The following HRH2 variants were observed in gnomAD, a reference collection of about 807,000 sequenced individuals.
HRH2 encodes histamine receptor H2.
A neutral mutation model predicts 20.1 loss-of-function variants in HRH2; 4 were observed. The ratio of observed to expected loss-of-function variants is 0.20; its 90% CI spans 0.10 to 0.45. The LOEUF (loss-of-function observed/expected upper bound fraction) is 0.45, where lower values mean the gene tolerates loss of function less well. HRH2 is among the 20% of genes least tolerant of loss of function. The probability of loss-of-function intolerance (pLI) is 0.99; values close to 1 mark genes in which losing one functional copy is unlikely to be tolerated. For synonymous variants in HRH2, 197 were observed against 200.7 expected (o/e 0.98, Z 0.16); for missense variants, 250 against 461.6 (o/e 0.54, Z 4.20).
At chr5:175,701,206 G>T (rs1483664242) in intron 2 of HRH2, among the ~76,000 whole-genome samples, 6 of 152,184 alleles carry the variant, frequency 3.9e-5, no homozygotes, top group Non-Finnish European at 8.8e-5. Context: ...TCTGAAACTG[G>T]GTCCTGTCCC....
At chr5:175,674,389 T>C (rs539221150) in intron 1 of HRH2, among the ~76,000 whole-genome samples, 6 of 152,254 alleles carry the variant, frequency 3.9e-5, no homozygotes, top group Admixed American at 3.3e-4. Flanking sequence ...GCCCGGCACG[T>C]GGTAGGTGCT....
intron 2 of HRH2, among the ~76,000 whole-genome samples, chr5:175,700,608 G>T (rs370577647): frequency 6.6e-6 from 1 of 152,140 alleles, no homozygotes; most frequent in African/African-American, 2.4e-5. Flanking sequence ...GGAGAAATTG[G>T]CCTGGCACAG....
At chr5:175,706,321 A>C in intron 2 of HRH2, among the ~76,000 whole-genome samples, 1 of 152,260 alleles carries the variant, frequency 6.6e-6, no homozygotes, top group Non-Finnish European at 1.5e-5. Flanking sequence ...GAGTAAATTG[A>C]CATGTAACAA....
In HRH2 at chr5:175,693,775, G is replaced by A. The variant is rs542689348; in HGVS notation, c.1076+9466G>A. The stretch of plus-strand genomic sequence containing the variant: ...CATGGCCTTAATGTCATGGTGGTAA[G>A]AGGATGCACATGCTCTTGTTCTGCC... On this transcript the variant is annotated intron_variant, in intron 2 of 2. Coordinates refer to ENST00000636584, the MANE Select transcript of HRH2 (RefSeq NM_001367711.1). This position sits in a 1 kb window ranked among gnomAD's most constrained non-coding sequence, Gnocchi z 4.4. Among the ~76,000 whole-genome samples, 1 of 152,316 alleles carries A rather than the reference G, an allele frequency of 6.6e-6. No individual in the cohort carries two copies. Among genetic ancestry groups the A allele is most frequent in the East Asian group, 1.9e-4 (1 of 5,184 alleles).
chr5:175,694,122 C>A (rs1162527296), intron 2 of HRH2, among the ~76,000 whole-genome samples: 1 of 152,162 alleles, frequency 6.6e-6, no homozygotes, highest in African/African-American at 2.4e-5. Context: ...AGTGCCCTTG[C>A]CCCAGGAGTG....
intron 1 of HRH2, among the ~76,000 whole-genome samples, chr5:175,682,412 C>T (rs1756015929): frequency 6.6e-6 from 1 of 152,214 alleles, no homozygotes; most frequent in Non-Finnish European, 1.5e-5. Flanking sequence ...AGGCCTTCTT[C>T]TTGTGGAGCT....
intron 2 of HRH2, among the ~76,000 whole-genome samples, chr5:175,689,298 A>C (rs374609958): frequency 8.3e-6 from 1 of 120,090 alleles, no homozygotes; most frequent in African/African-American, 3.3e-5. Context: ...AACCCCATGC[A>C]GGCTCCCCTC....
chr5:175,684,917 G>C (rs773325021), intron 2 of HRH2, among the ~76,000 whole-genome samples: 16 of 152,140 alleles, frequency 1.1e-4, no homozygotes, highest in Non-Finnish European at 1.6e-4. Flanking sequence ...AGGTGAAAGA[G>C]TTAGAAGCAA....
intron 2 of HRH2, chr5:175,685,608 C>T (rs1756144615): frequency 2.6e-6 from 2 of 772,314 alleles, no homozygotes; most frequent in Non-Finnish European, 2.2e-6. Context: ...GCCCTGGTCT[C>T]AGCTCTGCCG....
rs1756220329 is a variant in HRH2, at chr5:175,687,694, A to C, written c.1076+3385A>C. Among the ~76,000 whole-genome samples the C allele has an allele frequency of 6.8e-6, 1 of 146,992 alleles. No individual in the cohort carries two copies. The highest frequency in any genetic ancestry group is 2.5e-5 in the African/African-American group (1 of 39,544). On this transcript the variant is annotated intron_variant, in intron 2 of 2. Coordinates refer to ENST00000636584, the MANE Select transcript of HRH2 (RefSeq NM_001367711.1). This position sits in a 1 kb window ranked among gnomAD's most constrained non-coding sequence, Gnocchi z 5.2. Reference sequence around the variant, plus strand: ...TGACCCCTACTGTCCACCCCTCATCACCTCTCCCCTGCCTCCTCTCAGATA... The same window carrying C: ...TGACCCCTACTGTCCACCCCTCATCCCCTCTCCCCTGCCTCCTCTCAGATA...
Position 175,663,573 on chromosome 5 carries a change from GC to G in HRH2, c.-526+5421del, listed in dbSNP as rs949387023. On this transcript the variant is annotated intron_variant, in intron 1 of 2. Coordinates refer to ENST00000636584, the MANE Select transcript of HRH2 (RefSeq NM_001367711.1). ...TATCAGGCGCCCTCCATCAGGCCCT[GC>G]CCGTGCACTGTCTGCATTTCTCCTC... Among the ~76,000 whole-genome samples the G allele has an allele frequency of 9.9e-5, 15 of 152,176 alleles. 1 individual carries two copies. The highest frequency in any genetic ancestry group is 3.6e-4 in the African/African-American group (15 of 41,430).
In HRH2 at chr5:175,704,631, G is replaced by T. The variant is rs1267310902; in HGVS notation, c.1077-3148G>T. On this transcript the variant is annotated intron_variant, in intron 2 of 2. Transcript: ENST00000636584. ...GAAAAATAAATTTAAAAAAATAAGG[G>T]GGAGAAAACAAAACTATTACTATTC... Among the ~76,000 whole-genome samples, 4 of 152,028 alleles carry T rather than the reference G, an allele frequency of 2.6e-5. No homozygotes were observed. In the East Asian group the frequency reaches 7.7e-4, roughly 29 times the overall value.
At chr5:175,678,091 C>T (rs1755821358) in intron 1 of HRH2, among the ~76,000 whole-genome samples, 1 of 152,196 alleles carries the variant, frequency 6.6e-6, no homozygotes, top group Non-Finnish European at 1.5e-5. Context: ...TACATTCTGG[C>T]GGTGCTATTT....
chr5:175,669,545 G>A (rs1216332597), intron 1 of HRH2, among the ~76,000 whole-genome samples: 1 of 152,064 alleles, frequency 6.6e-6, no homozygotes, highest in East Asian at 1.9e-4. Context: ...TGTATTTTTA[G>A]TAGAGATGGG....
chr5:175,683,724 C>A lies in HRH2; in HGVS notation c.491C>A (p.Thr164Asn), dbSNP rs1581436526. 2 of 1,614,174 alleles carry A rather than the reference C, an allele frequency of 1.2e-6. No homozygotes were observed. Among genetic ancestry groups the A allele is most frequent in the Non-Finnish European group, 1.7e-6 (2 of 1,180,046 alleles). The change falls in exon 2 of 3, where the codon ACC (threonine) becomes AAC (asparagine). Residue 164 changes from threonine to asparagine, a missense_variant. Thr to Asn is a moderately conservative substitution (Grantham distance 65). Transcript: ENST00000636584. ...CTGGGGTGGAACAGCAGGAACGAGA[C>A]CAGCAAGGGCAATCATACCACCTCT... ...IHLGWNSRNE[T>N]SKGNHTTSKC... is the part of the protein sequence containing the mutation.
Position 175,664,156 on chromosome 5 carries a change from G to A in HRH2, c.-526+6001G>A, listed in dbSNP as rs576166377. ...CCCAACCTCCAAGAACAGGAGGGAGGATTGCAAACACCTCCAGCTCCAGCA... is the reference window on the plus strand; with the variant it reads ...CCCAACCTCCAAGAACAGGAGGGAGAATTGCAAACACCTCCAGCTCCAGCA... On this transcript the variant is annotated intron_variant, in intron 1 of 2. Transcript: ENST00000636584. Among the ~76,000 whole-genome samples the A allele has an allele frequency of 1.3e-5, 2 of 152,316 alleles. 1 individual carries two copies. Among genetic ancestry groups the A allele is most frequent in the Admixed American group, 1.3e-4 (2 of 15,302 alleles).
Position 175,693,705 on chromosome 5 carries a change from A to G in HRH2, c.1076+9396A>G, listed in dbSNP as rs1756461156. On this transcript the variant is annotated intron_variant, in intron 2 of 2. Coordinates refer to ENST00000636584, the MANE Select transcript of HRH2 (RefSeq NM_001367711.1). The surrounding 1 kb of genome is among the most constrained non-coding windows in gnomAD (Gnocchi z 4.4). ...CTGTTGCCATCCTTCCTATTCCCTG[A>G]AGTCACAGCTCTGTGCTCCCTTCCC... Among the ~76,000 whole-genome samples the G allele has an allele frequency of 6.6e-6, 1 of 152,170 alleles. No homozygotes were observed. The highest frequency in any genetic ancestry group is 2.4e-5 in the African/African-American group (1 of 41,428).
chr5:175,671,285 C>T (rs543926591), intron 1 of HRH2, among the ~76,000 whole-genome samples: 11 of 152,336 alleles, frequency 7.2e-5, no homozygotes, highest in South Asian at 2.1e-4. Context: ...AGATAATCAA[C>T]GGGTATAAAT....
At chr5:175,676,672 C>T (rs571164886) in intron 1 of HRH2, among the ~76,000 whole-genome samples, 3 of 152,346 alleles carry the variant, frequency 2.0e-5, no homozygotes, top group Non-Finnish European at 4.4e-5. Context: ...CAAGGCTTAT[C>T]ATATCTATCA....
Sources: allele counts gnomAD v4.1 joint callset (sites outside exome capture counted in the v4.1 genomes callset), GRCh38; gene constraint gnomAD v4.1.1; non-coding constraint Gnocchi (gnomAD v3.1); transcripts MANE v1.5; gene names NCBI Gene and HGNC (gene_info 2026-07-23, HGNC 2026-07-21).